The following TICRR variants were observed in gnomAD, a reference collection of about 807,000 sequenced individuals.
TICRR encodes the protein treslin.
In TICRR, 132 loss-of-function variants were observed where a neutral mutation model predicts 178.1. The ratio of observed to expected loss-of-function variants is 0.74; its 90% CI spans 0.64 to 0.86. The LOEUF is 0.86. Ranked by LOEUF, TICRR falls within the 40% of genes least tolerant of loss-of-function variation. TICRR has a pLI of 0.00. For synonymous variants in TICRR, 991 were observed against 900.7 expected, an observed-to-expected ratio of 1.10 and a Z score of -1.79; for missense variants, 2,587 against 2,334.3, an observed-to-expected ratio of 1.11 and a Z score of -2.23.
Position 89,623,879 on chromosome 15 carries a change from C to G in TICRR, c.3569C>G (p.Thr1190Arg), listed in dbSNP as rs188525807. ...TQAGEGTSLE[T>R]KTPRTPKRQG... ...GCAGGAGAAGGTACCTCTCTTGAAA[C>G]GAAGACACCAAGAACTCCTAAGAGG... The change falls in exon 20 of 22, where the codon ACG (threonine) becomes AGG (arginine). Residue 1190 changes from threonine (T) to arginine (R), a missense_variant. Physicochemically the swap from Thr to Arg is moderately conservative, Grantham distance 71. Transcript: ENST00000268138. 1.2e-6 allele frequency: 2 copies of G among 1,613,832 alleles called. No individual in the cohort carries two copies. The highest frequency in any genetic ancestry group is 2.7e-5 in the African/African-American group (2 of 74,886).
At chr15:89,626,594 G>GC (rs1963532023) in intron 21 of TICRR, among the ~76,000 whole-genome samples, 3 of 152,136 alleles carry the variant, frequency 2.0e-5, no homozygotes, top group Non-Finnish European at 4.4e-5. Context: ...AAGGGGGAGT[G>GC]CAGGAGGAGG....
intron 8 of TICRR, among the ~76,000 whole-genome samples, chr15:89,599,854 T>TA (rs1963064509): frequency 1.3e-5 from 2 of 152,232 alleles, no homozygotes. Context: ...ACGCCTGTAA[T>TA]ACCAGCACTT....
intron 1 of TICRR, among the ~76,000 whole-genome samples, chr15:89,576,860 T>TACATATATATATATATATATATATAC (rs1962630686): frequency 7.8e-6 from 1 of 128,626 alleles, no homozygotes; most frequent in Admixed American, 7.8e-5. Context: ...TATATATATA[T>TACATATATATATATATATATATATAC]ACACACACAC....
chr15:89,612,380 G>A (rs1280237511), intron 15 of TICRR, among the ~76,000 whole-genome samples: 7 of 152,236 alleles, frequency 4.6e-5, no homozygotes, highest in East Asian at 1.9e-4. Context: ...CTGAAACCAA[G>A]GCAGTGTCTG....
chr15:89,613,170 TCTC>T (rs1963279728), intron 15 of TICRR, among the ~76,000 whole-genome samples: 1 of 152,198 alleles, frequency 6.6e-6, no homozygotes, highest in Non-Finnish European at 1.5e-5. Context: ...TGTGATGATT[TCTC>T]CTCATTTTTG....
At chr15:89,586,388 T>G (rs1431747013) in intron 4 of TICRR, among the ~76,000 whole-genome samples, 1 of 152,092 alleles carries the variant, frequency 6.6e-6, no homozygotes, top group African/African-American at 2.4e-5. Context: ...AACTTGATAT[T>G]TCTTTAATTC....
intron 11 of TICRR, 33 bp downstream of exon 11, chr15:89,601,601 A>G (rs1246107238): frequency 2.5e-6 from 4 of 1,612,920 alleles, no homozygotes; most frequent in Middle Eastern, 1.6e-4. Context: ...TAACTTTAAA[A>G]TTGTTTTGTC....
rs1433522789 is a variant in TICRR, at chr15:89,601,751, T to C, written c.2342T>C (p.Ile781Thr). 9 of 1,614,178 alleles carry C rather than the reference T, an allele frequency of 5.6e-6. No individual in the cohort carries two copies. The highest frequency in any genetic ancestry group is 7.6e-6 in the Non-Finnish European group (9 of 1,180,010). The change falls in exon 12 of 22, where the codon ATC becomes ACC. Residue 781 changes from isoleucine to threonine, a missense_variant. Physicochemically the swap from Ile to Thr is moderately conservative, Grantham distance 89. Transcript: ENST00000268138. ...EEILRLYIDS[I>T]PKTLGNLYNS... ...CTGTTCCACAGGTATATTGACTCTA[T>C]CCCAAAGACACTTGGAAATCTTTAC...
In TICRR at chr15:89,584,285, G is replaced by A; in HGVS notation, c.935-1G>A. The A allele has an allele frequency of 6.3e-7, 1 of 1,582,020 alleles. No homozygotes were observed. Among genetic ancestry groups the A allele is most frequent in the Non-Finnish European group, 8.6e-7 (1 of 1,165,484 alleles). ...CTGGTCTAATTAATCTTTATTTCTA[G>A]CAGGCAAAGAGATTCAAGAAACATG... On this transcript the variant is annotated splice_acceptor_variant, in intron 2 of 21. Transcript: ENST00000268138. LOFTEE classifies it high-confidence loss of function.
At chr15:89,614,051 G>T (rs1266122921) in intron 15 of TICRR, among the ~76,000 whole-genome samples, 2 of 152,016 alleles carry the variant, frequency 1.3e-5, no homozygotes, top group African/African-American at 2.4e-5. Flanking sequence ...TTACTCCGGA[G>T]GCTGAGGCAG....
At chr15:89,602,746 CTA>C in intron 12 of TICRR, 48 bp from the exon 13 acceptor site, 1 of 880,482 alleles carries the variant, frequency 1.1e-6, no homozygotes, top group Non-Finnish European at 1.6e-6. Flanking sequence ...TTGAATTTAA[CTA>C]TATATAACCT....
chr15:89,617,991 C>A (rs769115239), intron 16 of TICRR, 161 bp from the exon 17 acceptor site: 82 of 759,246 alleles, frequency 1.1e-4, no homozygotes, highest in Non-Finnish European at 1.7e-4. Context: ...TGTGGCCAGC[C>A]TCCCTCTTGA....
At position 89,625,634 on chromosome 15, in the gene TICRR, G is replaced by C. The variant is rs1288978126; in HGVS notation, c.5324G>C (p.Arg1775Thr). 10 of 1,613,388 alleles carry C rather than the reference G, an allele frequency of 6.2e-6. No individual in the cohort carries two copies. The highest frequency in any genetic ancestry group is 8.5e-6 in the Non-Finnish European group (10 of 1,180,032). ...WGQFGLSSRK[R>T]VLLAKEEADR... is the part of the protein sequence containing the mutation. The stretch of plus-strand genomic sequence containing the variant: ...CAGTTTGGGTTGAGTTCCAGGAAGA[G>C]AGTCCTGTTGGCCAAGGAAGAAGCT... Residue 1775 changes from arginine to threonine, a missense_variant, in exon 20 of 22, where the codon AGA (arginine) becomes ACA (threonine). Coordinates refer to ENST00000268138, the MANE Select transcript of TICRR (RefSeq NM_152259.4).
rs571857728 is a variant in TICRR at position 89,585,801 on chromosome 15, A to C, written c.1270A>C (p.Thr424Pro). The C allele has an allele frequency of 6.2e-7, 1 of 1,614,150 alleles. No homozygotes were observed. Among genetic ancestry groups the C allele is most frequent in the South Asian group, 1.1e-5 (1 of 91,080 alleles). Residue 424 changes from threonine to proline, a missense_variant, in exon 4 of 22, where the codon ACC (threonine) becomes CCC (proline). By Grantham distance (38) the Thr-to-Pro change is conservative. Transcript: ENST00000268138. ...ASAMILTVCR[T>P]KEAEFQRHVL... ...TGCTATGATCCTCACTGTGTGCCGC[A>C]CCAAGGAGGCTGAATTTCAACGACA...
rs138093113 is a variant in TICRR, at chr15:89,584,510, G to C, written c.1159G>C (p.Ala387Pro). Residue 387 changes from alanine to proline, a missense_variant, in exon 3 of 22, where the codon GCT (alanine) becomes CCT (proline). Ala to Pro is a conservative substitution (Grantham distance 27, BLOSUM62 -1). Transcript: ENST00000268138. ...LFQQLVSRLTAEELHLVADVD... is the reference protein window; with the variant it reads ...LFQQLVSRLTPEELHLVADVD... ...TCAGCAGTTGGTAAGCAGGCTGACT[G>C]CTGAAGAGTTACACCTGGTAGGTAT... 1,817 of 1,585,050 alleles carry C rather than the reference G, an allele frequency of 1.1e-3. 2 individuals are homozygous for C. The highest frequency in any genetic ancestry group is 1.3e-3 in the Non-Finnish European group (1,561 of 1,163,758).
intron 5 of TICRR, among the ~76,000 whole-genome samples, chr15:89,592,590 A>G (rs556655902): frequency 3.3e-5 from 5 of 152,344 alleles, no homozygotes; most frequent in Admixed American, 2.0e-4. Flanking sequence ...AGAATCCAAC[A>G]TGAGAAGTAA....
In TICRR at chr15:89,623,740, A is replaced by G; in HGVS notation, c.3430A>G (p.Lys1144Glu). The change falls in exon 20 of 22, where the codon AAA (lysine) becomes GAA (glutamate). Residue 1144 changes from lysine (K) to glutamate (E), a missense_variant. Coordinates refer to ENST00000268138, the MANE Select transcript of TICRR (RefSeq NM_152259.4). The part of the protein sequence containing the change: ...TPERLQKSPA[K>E]MTPTKQAAFK... Reference sequence around the variant, plus strand: ...AGAAAGGCTGCAGAAGTCCCCTGCAAAAATGACCCCTACAAAGCAGGCAGC... The same window carrying G: ...AGAAAGGCTGCAGAAGTCCCCTGCAGAAATGACCCCTACAAAGCAGGCAGC... 2 of 1,614,134 alleles carry G rather than the reference A, an allele frequency of 1.2e-6. No individual in the cohort carries two copies. The highest frequency in any genetic ancestry group is 1.7e-6 in the Non-Finnish European group (2 of 1,180,024).
In TICRR at chr15:89,601,880, C is replaced by T. The variant is rs1364721897; in HGVS notation, c.2471C>T (p.Ser824Phe). Reference sequence around the variant, plus strand: ...CAAGAGAACAAATCACCACTTCTTTCTGTGCCTTTTTTGTCAAGTGCTCGT... The same window carrying T: ...CAAGAGAACAAATCACCACTTCTTTTTGTGCCTTTTTTGTCAAGTGCTCGT... ...MTQENKSPLL[S>F]VPFLSSARRS... The change falls in exon 12 of 22, where the codon TCT becomes TTT. Residue 824 changes from serine to phenylalanine, a missense_variant. Transcript: ENST00000268138. 1 of 1,614,028 alleles carries T rather than the reference C, an allele frequency of 6.2e-7. No individual in the cohort carries two copies. The highest frequency in any genetic ancestry group is 8.5e-7 in the Non-Finnish European group (1 of 1,180,026).
chr15:89,618,265 C>T (rs1194986857), intron 17 of TICRR, 55 bp downstream of exon 17: 2 of 1,513,254 alleles, frequency 1.3e-6, no homozygotes, highest in Non-Finnish European at 1.8e-6. Context: ...CTATGAAAAC[C>T]TTTCTGTATG....
Sources: gnomAD v4.1 joint callset for allele counts (sites outside exome capture counted in the v4.1 genomes callset) on GRCh38, gnomAD v4.1.1 for gene constraint, MANE v1.5 for transcripts, NCBI Gene and HGNC (gene_info 2026-07-23, HGNC 2026-07-21) for gene names.